Variants in ASIP observed in about 807,000 individuals in gnomAD.
ASIP encodes agouti signaling protein.
ASIP carries 11 observed loss-of-function variants against 10.3 expected under a neutral mutation model. The ratio of observed to expected loss-of-function variants is 1.07; its 90% CI spans 0.68 to 1.78. ASIP has a LOEUF of 1.78. ASIP is among the 40% of genes most tolerant of loss of function. The pLI, the probability that ASIP is intolerant of heterozygous loss-of-function variation, is 0.00. For missense variants in ASIP, 180 were observed against 169.2 expected (o/e 1.06, Z -0.35); for synonymous variants, 70 against 70.8 (o/e 0.99, Z 0.06).
chr20:34,253,999 G>C (rs2035527650), intron 1 of ASIP, among the ~76,000 whole-genome samples: 3 of 152,116 alleles, frequency 2.0e-5, no homozygotes, highest in African/African-American at 7.2e-5. Context: ...AAAGACAGTT[G>C]AGAAACCCAG....
At chr20:34,214,928 C>T (rs1164303880) in intron 1 of ASIP, 1 of 1,488,900 alleles carries the variant, frequency 6.7e-7, no homozygotes, top group East Asian at 2.3e-5. Flanking sequence ...TTAATATTCC[C>T]ATTCTTAGTT....
chr20:34,236,401 A>G (rs2035211307), intron 1 of ASIP, among the ~76,000 whole-genome samples: 1 of 152,132 alleles, frequency 6.6e-6, no homozygotes, highest in African/African-American at 2.4e-5. Context: ...AAAATTAGCC[A>G]GGCATGGTGG....
At chr20:34,189,397 C>T in the ASIP span, among the ~76,000 whole-genome samples, 1 of 152,112 alleles carries the variant, frequency 6.6e-6, no homozygotes, top group Non-Finnish European at 1.5e-5. Flanking sequence ...CATGCACCAC[C>T]ACGCCCGGCT....
At chr20:34,207,115 C>T (rs531893960) in intron 1 of ASIP, among the ~76,000 whole-genome samples, 5 of 152,122 alleles carry the variant, frequency 3.3e-5, no homozygotes, top group African/African-American at 4.8e-5. Flanking sequence ...TTTATATTCC[C>T]GTTAACAGAA....
chr20:34,262,880 A>G lies in ASIP; in HGVS notation c.209A>G (p.Lys70Arg). The change falls in exon 3 of 4, where the codon AAA (lysine) becomes AGA (arginine). Residue 70 changes from lysine to arginine, a missense_variant. Lys to Arg is a conservative substitution (Grantham distance 26, BLOSUM62 2). Transcript: ENST00000374954. ...ATCGGCAGAAAAGCAGCAGAAAAGA[A>G]AAGATCTTCTAAGGTAAGGGCAGGG... ...KQIGRKAAEK[K>R]RSSKKEASMK... 6.2e-7 allele frequency: 1 copy of G among 1,614,050 alleles called. No homozygotes were observed. The highest frequency in any genetic ancestry group is 1.3e-5 in the African/African-American group (1 of 75,046).
chr20:34,234,656 G>A (rs934249917), intron 1 of ASIP, among the ~76,000 whole-genome samples: 11 of 151,826 alleles, frequency 7.2e-5, no homozygotes, highest in East Asian at 3.9e-4. Flanking sequence ...ACAAAAATTC[G>A]CCGGGCGTGG....
chr20:34,223,753 A>G (rs2035072479), intron 1 of ASIP, among the ~76,000 whole-genome samples: 1 of 138,800 alleles, frequency 7.2e-6, no homozygotes, highest in Non-Finnish European at 1.6e-5. Context: ...CCAGGATGAC[A>G]ATGGCGGCTT....
chr20:34,193,114 A>G (rs2034834740), upstream of ASIP, among the ~76,000 whole-genome samples: 1 of 152,200 alleles, frequency 6.6e-6, no homozygotes, highest in South Asian at 2.1e-4. Context: ...ATAGTCGACA[A>G]CTTCCAGCTT....
intron 1 of ASIP, among the ~76,000 whole-genome samples, chr20:34,197,074 T>C (rs1480084280): frequency 6.6e-6 from 1 of 152,022 alleles, no homozygotes; most frequent in Non-Finnish European, 1.5e-5. Context: ...TCTTGGCTTG[T>C]TTAGAAATAG....
intron 1 of ASIP, chr20:34,214,560 C>G (rs1444839351): frequency 6.8e-7 from 1 of 1,480,430 alleles, no homozygotes; most frequent in East Asian, 2.3e-5. Context: ...TCTGCCAATT[C>G]TGCAGTGTAG....
chr20:34,212,829 T>C (rs1358346742), intron 1 of ASIP, among the ~76,000 whole-genome samples: 2 of 152,196 alleles, frequency 1.3e-5, no homozygotes, highest in Admixed American at 6.5e-5. Flanking sequence ...AAGCAATCTG[T>C]AGGGGAAATA....
intron 1 of ASIP, among the ~76,000 whole-genome samples, chr20:34,248,569 G>A (rs1393615374): frequency 6.6e-6 from 1 of 152,084 alleles, no homozygotes; most frequent in South Asian, 2.1e-4. Context: ...TTGGGAGGCC[G>A]AGGAGGCAGT....
At chr20:34,201,001 C>T (rs1453846463) in intron 1 of ASIP, among the ~76,000 whole-genome samples, 1,563 of 60,520 alleles carry the variant, frequency 0.026, 96 homozygotes, top group African/African-American at 0.12. Flanking sequence ...TCCTTCCTTC[C>T]TTCCTTCCTT....
upstream of ASIP, among the ~76,000 whole-genome samples, chr20:34,190,307 A>G (rs1311732215): frequency 6.6e-6 from 1 of 152,200 alleles, no homozygotes; most frequent in Non-Finnish European, 1.5e-5. Flanking sequence ...GATAATGAGT[A>G]TGAAAGATAA....
At chr20:34,259,722 C>T (rs1411423023) in intron 1 of ASIP, among the ~76,000 whole-genome samples, 2 of 151,678 alleles carry the variant, frequency 1.3e-5, no homozygotes, top group Non-Finnish European at 2.9e-5. Flanking sequence ...TGCACTCTAG[C>T]CTGGGCAACA....
chr20:34,195,800 GT>G (rs1167049224), intron 1 of ASIP, among the ~76,000 whole-genome samples: 1 of 151,294 alleles, frequency 6.6e-6, no homozygotes, highest in Non-Finnish European at 1.5e-5. Flanking sequence ...TTTTTGTTTT[GT>G]TTTGTTTGTT....
Position 34,222,616 on chromosome 20 carries a change from G to A in ASIP, c.-11+27856G>A, listed in dbSNP as rs144411753. ...TAACAAGCTCTAAGGTAATGGTAAT[G>A]CAAAAGTTACTCCCTCTCCCTCTCC... On this transcript the variant is annotated intron_variant, in intron 1 of 3. Transcript: ENST00000568305. Among the ~76,000 whole-genome samples, 48 of 151,284 alleles carry A rather than the reference G, an allele frequency of 3.2e-4. 1 individual carries two copies. In the East Asian group the frequency reaches 8.9e-3, roughly 28 times the overall value.
chr20:34,260,532 T>C lies in ASIP; in HGVS notation c.158T>C (p.Val53Ala), dbSNP rs2035672068. 1 of 1,609,514 alleles carries C rather than the reference T, an allele frequency of 6.2e-7. No individual in the cohort carries two copies. Among genetic ancestry groups the C allele is most frequent in the Non-Finnish European group, 8.5e-7 (1 of 1,176,844 alleles). ...NLLDVPSVSIVALNKKSKQIG... is the reference protein window; with the variant it reads ...NLLDVPSVSIAALNKKSKQIG... ...CTGGATGTCCCTTCTGTCTCTATTGTGGGTAAGTCACCTAGCCTCTGGGCT... is the reference window on the plus strand; with the variant it reads ...CTGGATGTCCCTTCTGTCTCTATTGCGGGTAAGTCACCTAGCCTCTGGGCT... Residue 53 changes from valine to alanine, a missense_variant and splice_region_variant, in exon 2 of 4, where the codon GTG becomes GCG. Val to Ala is a moderately conservative substitution (Grantham distance 64). Transcript: ENST00000374954.
intron 1 of ASIP, among the ~76,000 whole-genome samples, chr20:34,257,070 C>CT (rs56227909): frequency 0.31 from 43,260 of 139,256 alleles, 6,340 homozygotes; most frequent in Admixed American, 0.48. Context: ...CTTTCTTTCT[C>CT]TTTTTTTTTT....
Sources: gnomAD v4.1 joint callset for allele counts (sites outside exome capture counted in the v4.1 genomes callset) on GRCh38, gnomAD v4.1.1 for gene constraint, MANE v1.5 for transcripts, NCBI Gene and HGNC (gene_info 2026-07-23, HGNC 2026-07-21) for gene names.